Variants in ABRAXAS2 observed in about 807,000 individuals in gnomAD.
ABRAXAS2 encodes the protein BRISC complex subunit Abraxas 2.
In ABRAXAS2, 23 loss-of-function variants were observed where a neutral mutation model predicts 49.0. The observed-to-expected ratio is 0.47, with a 90% CI of 0.34 to 0.66. The LOEUF (loss-of-function observed/expected upper bound fraction) is 0.66. Among genes scored for constraint, ABRAXAS2 ranks in the 30% least tolerant of loss-of-function variants. The pLI is 0.01. For synonymous variants in ABRAXAS2, 168 were observed against 180.2 expected, an observed-to-expected ratio of 0.93 and a Z score of 0.54; for missense variants, 443 against 511.9, an observed-to-expected ratio of 0.87 and a Z score of 1.30.
chr10:124,832,380 G>C (rs1342881284), intron 8 of ABRAXAS2, among the ~76,000 whole-genome samples: 4 of 152,140 alleles, frequency 2.6e-5, no homozygotes, highest in Non-Finnish European at 5.9e-5. Flanking sequence ...ATTAATATCT[G>C]TGTGTAAAAT....
At chr10:124,803,001 G>A (rs770018676) in intron 1 of ABRAXAS2, among the ~76,000 whole-genome samples, 1 of 152,182 alleles carries the variant, frequency 6.6e-6, no homozygotes, top group Non-Finnish European at 1.5e-5. Flanking sequence ...TATACATCAT[G>A]GGTTTTTCCA....
intron 2 of ABRAXAS2, among the ~76,000 whole-genome samples, chr10:124,809,751 A>ATTT (rs556850092): frequency 2.2e-5 from 3 of 135,976 alleles, no homozygotes; most frequent in African/African-American, 5.4e-5. Context: ...ACATTATGAG[A>ATTT]TTTTTTTTTT....
intron 5 of ABRAXAS2, 63 bp from the exon 6 acceptor site, chr10:124,828,692 TC>T: frequency 6.7e-7 from 1 of 1,482,590 alleles, no homozygotes; most frequent in Non-Finnish European, 9.2e-7. Flanking sequence ...TTTTAGACTG[TC>T]AGTCTCACTT....
At chr10:124,812,716 C>T (rs1346436089) in intron 2 of ABRAXAS2, among the ~76,000 whole-genome samples, 1 of 152,084 alleles carries the variant, frequency 6.6e-6, no homozygotes, top group African/African-American at 2.4e-5. Context: ...AAAAGTCAAA[C>T]ATTAGGAAAA....
chr10:124,806,687 T>C, intron 1 of ABRAXAS2, 144 bp from the exon 2 acceptor site: 1 of 557,086 alleles, frequency 1.8e-6, no homozygotes, highest in Admixed American at 3.4e-5. Context: ...AGACTGTTTG[T>C]TGGTTTATAG....
At chr10:124,808,353 T>C (rs1453759848) in intron 2 of ABRAXAS2, among the ~76,000 whole-genome samples, 1 of 152,120 alleles carries the variant, frequency 6.6e-6, no homozygotes, top group Non-Finnish European at 1.5e-5. Flanking sequence ...TTTTTTTGTA[T>C]TTTTAGTAGA....
At chr10:124,827,299 A>G (rs1458932973) in intron 5 of ABRAXAS2, among the ~76,000 whole-genome samples, 4 of 151,336 alleles carry the variant, frequency 2.6e-5, no homozygotes, top group Admixed American at 6.6e-5. Context: ...AGCTGGGATT[A>G]CAGGCACACA....
intron 1 of ABRAXAS2, among the ~76,000 whole-genome samples, chr10:124,805,195 C>G (rs938986927): frequency 1.3e-4 from 19 of 151,614 alleles, no homozygotes; most frequent in Non-Finnish European, 4.4e-5. Context: ...TAGCCGGGCG[C>G]GGTGGCGGGC....
chr10:124,809,751 ATT>A (rs556850092), intron 2 of ABRAXAS2, among the ~76,000 whole-genome samples: 125 of 135,872 alleles, frequency 9.2e-4, no homozygotes, highest in African/African-American at 2.6e-3. Context: ...ACATTATGAG[ATT>A]TTTTTTTTTT....
At chr10:124,805,497 T>G (rs776121372) in intron 1 of ABRAXAS2, among the ~76,000 whole-genome samples, 1 of 152,244 alleles carries the variant, frequency 6.6e-6, no homozygotes, top group African/African-American at 2.4e-5. Context: ...AACAAATTTA[T>G]TCAACCACTG....
intron 7 of ABRAXAS2, 125 bp from the exon 8 acceptor site, chr10:124,831,223 CT>C: frequency 1.5e-6 from 1 of 660,532 alleles, no homozygotes; most frequent in East Asian, 2.7e-5. Flanking sequence ...TTTGTTCTAC[CT>C]TATGTGGCTG....
At chr10:124,802,059 T>G (rs2134155267) in intron 1 of ABRAXAS2, among the ~76,000 whole-genome samples, 158 bp downstream of exon 1, 2 of 152,210 alleles carry the variant, frequency 1.3e-5, no homozygotes, top group East Asian at 3.9e-4. Context: ...CCCGGTGAGC[T>G]CTTGCCTCTG....
intron 5 of ABRAXAS2, among the ~76,000 whole-genome samples, chr10:124,827,259 A>G (rs1350449011): frequency 4.7e-5 from 7 of 149,378 alleles, no homozygotes; most frequent in Non-Finnish European, 7.4e-5. Flanking sequence ...TCCCAGGTTC[A>G]AGCGATTCTC....
intron 4 of ABRAXAS2, among the ~76,000 whole-genome samples, chr10:124,825,494 T>C (rs972786682): frequency 7.2e-5 from 11 of 152,202 alleles, no homozygotes; most frequent in Non-Finnish European, 1.5e-4. Context: ...TCTTTGCATA[T>C]GATATGAACT....
chr10:124,802,906 C>T (rs904454806), intron 1 of ABRAXAS2, among the ~76,000 whole-genome samples: 1 of 152,132 alleles, frequency 6.6e-6, no homozygotes, highest in African/African-American at 2.4e-5. Context: ...GAGGTGATTC[C>T]ATTAGTAAAT....
In ABRAXAS2 at chr10:124,835,115, G is replaced by C. The variant is rs1182965614; in HGVS notation, c.*144G>C. The C allele has an allele frequency of 2.6e-5, 16 of 616,202 alleles. No homozygotes were observed. Among genetic ancestry groups the C allele is most frequent in the Non-Finnish European group, 4.2e-5 (15 of 360,126 alleles). The allele number at this position is 616,202 out of a possible 1,614,324, so 38.2% of individuals were successfully genotyped here. On this transcript the variant is annotated 3_prime_UTR_variant, in exon 9 of 9. Coordinates refer to ENST00000298492, the MANE Select transcript of ABRAXAS2 (RefSeq NM_032182.4). ...GAGTCCTTGTGCACAGAACTTGTGGGAGCCTCCATCCGCTGCTCTTTACCT... is the reference window on the plus strand; with the variant it reads ...GAGTCCTTGTGCACAGAACTTGTGGCAGCCTCCATCCGCTGCTCTTTACCT...
intron 8 of ABRAXAS2, among the ~76,000 whole-genome samples, chr10:124,831,840 G>GTATTTTTTTTTTTTT (rs1564925948): frequency 3.8e-5 from 4 of 106,208 alleles, no homozygotes; most frequent in Non-Finnish European, 3.6e-5. Context: ...ACTGTGTCCT[G>GTATTTTTTTTTTTTT]TCTTTTTTTT....
intron 1 of ABRAXAS2, among the ~76,000 whole-genome samples, chr10:124,804,149 G>A (rs551975082): frequency 3.3e-5 from 5 of 152,082 alleles, no homozygotes; most frequent in African/African-American, 7.2e-5. Context: ...GCGATCTTCC[G>A]TTTTTGGCCT....
Position 124,801,894 on chromosome 10 carries a change from C to G in ABRAXAS2, c.65C>G (p.Ala22Gly). The change falls in exon 1 of 9, where the codon GCG becomes GGG. Residue 22 changes from alanine to glycine, a missense_variant. Around this residue, in one of 3 missense-constraint regions of ABRAXAS2, gnomAD observed 166 missense variants for 247.3 expected, o/e 0.67. Transcript: ENST00000298492. ...TGTTTCCACAGCGCCAACAGCAACGCGGACCACGTAGGTGCCGGGCCCCCT... is the reference window on the plus strand; with the variant it reads ...TGTTTCCACAGCGCCAACAGCAACGGGGACCACGTAGGTGCCGGGCCCCCT... Reference protein sequence around the residue: ...AVCFHSANSNADHEGFLLGEV... With the variant: ...AVCFHSANSNGDHEGFLLGEV... 6.2e-7 allele frequency: 1 copy of G among 1,612,736 alleles called. No individual in the cohort carries two copies. The highest frequency in any genetic ancestry group is 8.5e-7 in the Non-Finnish European group (1 of 1,179,590).
Sources: gnomAD v4.1 joint callset for allele counts (sites outside exome capture counted in the v4.1 genomes callset) on GRCh38, gnomAD v4.1.1 for gene constraint, gnomAD v4.1.1 regional missense constraint, MANE v1.5 for transcripts, NCBI Gene and HGNC (gene_info 2026-07-23, HGNC 2026-07-21) for gene names.